The following LYST variants were observed in gnomAD, a reference collection of about 807,000 sequenced individuals.
LYST encodes the protein lysosomal-trafficking regulator.
In LYST, 192 loss-of-function variants were observed where a neutral mutation model predicts 413.6. That is an observed-to-expected ratio of 0.46 (90% CI 0.41 to 0.52). LYST has a LOEUF of 0.52. Ranked by LOEUF, LYST falls within the 20% of genes least tolerant of loss-of-function variation. LYST has a pLI of 0.00. For synonymous variants in LYST, 1,525 were observed against 1,567.3 expected, an observed-to-expected ratio of 0.97 and a Z score of 0.64; for missense variants, 3,815 against 4,499.9, an observed-to-expected ratio of 0.85 and a Z score of 4.35.
chr1:235,674,179 T>C lies in LYST; in HGVS notation c.11038+2912A>G, dbSNP rs928339442. ...GTGTCTCTCACGACAGGGGGAATATTTGGCATTCCTTGGAAGCCTAACAGG... is the reference window on the plus strand; with the variant it reads ...GTGTCTCTCACGACAGGGGGAATATCTGGCATTCCTTGGAAGCCTAACAGG... On this transcript the variant is annotated intron_variant, in intron 50 of 52. Transcript: ENST00000389793. This position sits in a 1 kb window ranked among gnomAD's most constrained non-coding sequence, Gnocchi z 4.1. 1.3e-5 allele frequency among the ~76,000 whole-genome samples: 2 copies of C among 152,190 alleles called. No individual in the cohort carries two copies. The highest frequency in any genetic ancestry group is 2.9e-5 in the Non-Finnish European group (2 of 68,040).
chr1:235,878,213 C>T (rs1681224581), intron 1 of LYST, among the ~76,000 whole-genome samples: 1 of 152,132 alleles, frequency 6.6e-6, no homozygotes, highest in African/African-American at 2.4e-5. Flanking sequence ...CAGGTGAGCT[C>T]GGCCTTCAGC....
Position 235,733,182 on chromosome 1 carries a change from TTTAAA to T in LYST, c.8801+316_8801+320del, listed in dbSNP as rs769242570. ...GCTTTTTGTTATTTGTAATACATAT[TTTAAA>T]TTAGTTAGAAAAATATATTTTTCTC... On this transcript the variant is annotated intron_variant, in intron 34 of 52. Coordinates refer to ENST00000389793, the MANE Select transcript of LYST (RefSeq NM_000081.4). 9.8e-5 allele frequency among the ~76,000 whole-genome samples: 15 copies of T among 152,298 alleles called. 1 individual carries two copies. In the East Asian group the frequency reaches 2.3e-3, roughly 23 times the overall value.
chr1:235,749,380 C>A (rs1032320373), intron 28 of LYST, among the ~76,000 whole-genome samples: 1 of 151,966 alleles, frequency 6.6e-6, no homozygotes, highest in African/African-American at 2.4e-5. Context: ...TTCACAAAGA[C>A]AGAATTTCAA....
intron 1 of LYST, among the ~76,000 whole-genome samples, chr1:235,878,195 C>A (rs532080727): frequency 1.7e-4 from 26 of 152,308 alleles, no homozygotes; most frequent in African/African-American, 6.3e-4. Flanking sequence ...AAGGCAACAT[C>A]CCTGGAGCAG....
chr1:235,716,716 T>A lies in LYST; in HGVS notation c.9623A>T (p.Tyr3208Phe). The A allele has an allele frequency of 6.3e-7, 1 of 1,585,174 alleles. No individual in the cohort carries two copies. Among genetic ancestry groups the A allele is most frequent in the South Asian group, 1.1e-5 (1 of 89,934 alleles). The change falls in exon 41 of 53, where the codon TAC becomes TTC. Residue 3208 changes from tyrosine to phenylalanine, a missense_variant. Around this residue, in one of 4 missense-constraint regions of LYST, gnomAD observed 866 missense variants for 1,156.0 expected, o/e 0.75. Transcript: ENST00000389793. ...ACGAGTAAAAACAAAAGCTACCTTG[T>A]ATGTGTCCACATAACGATCTTCTTT... is the stretch of plus-strand genomic sequence containing the variant. ...KEKEDRYVDT[Y>F]KYLEEEYRKG...
chr1:235,806,706 A>G lies in LYST; in HGVS notation c.2430T>C (p.Asn810=), dbSNP rs1435178608. 6.2e-7 allele frequency: 1 copy of G among 1,613,390 alleles called. No individual in the cohort carries two copies. Among genetic ancestry groups the G allele is most frequent in the South Asian group, 1.1e-5 (1 of 91,070 alleles). Residue 810 remains asparagine, a synonymous_variant, in exon 6 of 53, where the codon AAT becomes AAC. Coordinates refer to ENST00000389793, the MANE Select transcript of LYST (RefSeq NM_000081.4). ...VSQIIELNCL[N]GIRSHSLKAF... is the part of the protein sequence containing the mutation. ...CTTTTAGAGAATGACTTCGAATACC[A>G]TTTAAGCAATTTAATTCGATTATTT...
chr1:235,717,976 G>T (rs1284234806), intron 40 of LYST, among the ~76,000 whole-genome samples: 2 of 150,566 alleles, frequency 1.3e-5, no homozygotes, highest in Non-Finnish European at 2.9e-5. Context: ...CCATTCTCTT[G>T]CCTCAGCCTC....
At chr1:235,794,147 T>C (rs764910724) in intron 10 of LYST, among the ~76,000 whole-genome samples, 16 of 152,178 alleles carry the variant, frequency 1.1e-4, no homozygotes, top group Admixed American at 8.5e-4. Flanking sequence ...TGAGCTCACT[T>C]TTCTTGAAGA....
At chr1:235,845,643 G>GT (rs962512508) in intron 1 of LYST, among the ~76,000 whole-genome samples, 12 of 48,158 alleles carry the variant, frequency 2.5e-4, no homozygotes, top group African/African-American at 1.6e-3. Flanking sequence ...CCGGCAGTTA[G>GT]GGGGGACACG....
At chr1:235,668,256 G>A (rs1475393157) in intron 50 of LYST, among the ~76,000 whole-genome samples, 2 of 151,942 alleles carry the variant, frequency 1.3e-5, no homozygotes, top group Non-Finnish European at 2.9e-5. Flanking sequence ...CCAATAAATA[G>A]TCAAAATTTT....
chr1:235,777,619 C>A (rs1388563999), intron 16 of LYST, among the ~76,000 whole-genome samples: 1 of 152,062 alleles, frequency 6.6e-6, no homozygotes, highest in Non-Finnish European at 1.5e-5. Context: ...AGTCTTAAAC[C>A]ACACTTATTA....
Position 235,766,181 on chromosome 1 carries a change from C to T in LYST, c.6019G>A (p.Glu2007Lys), listed in dbSNP as rs1455043439. Residue 2007 changes from glutamate (E) to lysine (K), a missense_variant, in exon 21 of 53, where the codon GAA becomes AAA. Around this residue, in one of 4 missense-constraint regions of LYST, gnomAD observed 530 missense variants for 696.5 expected, o/e 0.76. Transcript: ENST00000389793. ...AEVLGSPPDL[E>K]LLTIIFNFLL... is the part of the protein sequence containing the mutation. ...AAATTGAAGATAATTGTCAATAATTCCAAATCTGGAGGAGATCCAAGGACT... is the reference window on the plus strand; with the variant it reads ...AAATTGAAGATAATTGTCAATAATTTCAAATCTGGAGGAGATCCAAGGACT... 2 of 1,613,094 alleles carry T rather than the reference C, an allele frequency of 1.2e-6. No individual in the cohort carries two copies. Among genetic ancestry groups the T allele is most frequent in the East Asian group, 4.5e-5 (2 of 44,866 alleles).
chr1:235,681,056 G>A (rs1178698097), intron 48 of LYST, among the ~76,000 whole-genome samples: 2 of 152,200 alleles, frequency 1.3e-5, no homozygotes, highest in African/African-American at 4.8e-5. Context: ...CTCCATGGCA[G>A]TAAGGAGTGA....
At position 235,809,505 on chromosome 1, in the gene LYST, T is replaced by C. The variant is rs1287346102; in HGVS notation, c.1313A>G (p.Gln438Arg). The C allele has an allele frequency of 1.2e-6, 2 of 1,614,124 alleles. No individual in the cohort carries two copies. The highest frequency in any genetic ancestry group is 3.3e-5 in the Admixed American group (2 of 60,000). The change falls in exon 5 of 53, where the codon CAG becomes CGG. Residue 438 changes from glutamine (Q) to arginine (R), a missense_variant. Physicochemically the swap from Gln to Arg is conservative, Grantham distance 43 (BLOSUM62 1). This residue lies in a region of LYST where 1,648 missense variants were observed against 1,810.3 expected (regional missense o/e 0.91). Transcript: ENST00000389793. This position sits in a 1 kb window ranked among gnomAD's most constrained non-coding sequence, Gnocchi z 4.0. ...QAMDLVQEFI[Q>R]HHGFNLFETA... is the part of the protein sequence containing the mutation. ...TTCAAATAAATTAAATCCATGATGC[T>C]GAATGAATTCTTGAACCAAATCCAT...
intron 21 of LYST, among the ~76,000 whole-genome samples, chr1:235,764,225 A>G (rs1465392920): frequency 6.6e-6 from 1 of 152,154 alleles, no homozygotes; most frequent in Non-Finnish European, 1.5e-5. Flanking sequence ...ACCAGAAAAC[A>G]AAAATGTTGA....
chr1:235,845,645 G>GA (rs969046033), intron 1 of LYST, among the ~76,000 whole-genome samples: 1 of 151,826 alleles, frequency 6.6e-6, no homozygotes, highest in African/African-American at 2.4e-5. Flanking sequence ...GGCAGTTAGG[G>GA]GGGACACGGT....
chr1:235,770,425 G>A, intron 19 of LYST, 128 bp from the exon 20 acceptor site: 1 of 873,202 alleles, frequency 1.1e-6, no homozygotes. Context: ...TTACATGTCT[G>A]CAAAAAGCCA....
In LYST at chr1:235,802,845, C is replaced by A. The variant is rs1328843867; in HGVS notation, c.3712+63G>T. ...AATTCTAAAGTGGTATTATTATGAACCATTTTGCTATTTAATGATCTGGCT... is the reference window on the plus strand; with the variant it reads ...AATTCTAAAGTGGTATTATTATGAAACATTTTGCTATTTAATGATCTGGCT... On this transcript the variant is annotated intron_variant, in intron 8 of 52. Coordinates refer to ENST00000389793, the MANE Select transcript of LYST (RefSeq NM_000081.4). 8 of 1,492,788 alleles carry A rather than the reference C, an allele frequency of 5.4e-6. No homozygotes were observed. In the African/African-American group the frequency reaches 1.1e-4, roughly 21 times the overall value. 92.5% of individuals were successfully genotyped at this position (1,492,788 alleles called of 1,614,324 possible).
At chr1:235,758,887 T>A in intron 23 of LYST, 85 bp downstream of exon 23, 1 of 1,200,714 alleles carries the variant, frequency 8.3e-7, no homozygotes, top group Non-Finnish European at 1.2e-6. Flanking sequence ...ATAAGTGGCA[T>A]AATGAAGACG....
Sources: allele counts gnomAD v4.1 joint callset (sites outside exome capture counted in the v4.1 genomes callset), GRCh38; gene constraint gnomAD v4.1.1; regional missense constraint gnomAD v4.1.1; non-coding constraint Gnocchi (gnomAD v3.1); transcripts MANE v1.5; gene names NCBI Gene and HGNC (gene_info 2026-07-23, HGNC 2026-07-21).